MRTFB: variants seen among roughly 807,000 people sequenced by gnomAD.
MRTFB encodes the protein myocardin related transcription factor B.
Under a neutral mutation model 104.2 loss-of-function variants are expected in MRTFB, and 29 were observed. The ratio of observed to expected loss-of-function variants is 0.28; its 90% CI spans 0.21 to 0.38. The LOEUF (loss-of-function observed/expected upper bound fraction) is 0.38, where lower values mean the gene tolerates loss of function less well. Among genes scored for constraint, MRTFB ranks in the 10% least tolerant of loss-of-function variants. The pLI, the probability that MRTFB is intolerant of heterozygous loss-of-function variation, is 1.00. For missense variants in MRTFB, 1,270 were observed against 1,341.6 expected (o/e 0.95, Z 0.83); for synonymous variants, 535 against 519.5 (o/e 1.03, Z -0.41).
intron 3 of MRTFB, among the ~76,000 whole-genome samples, chr16:14,162,330 T>G (rs2039073579): frequency 6.6e-6 from 1 of 151,248 alleles, no homozygotes; most frequent in Non-Finnish European, 1.5e-5. Flanking sequence ...AGACCCTGTT[T>G]CCCCCTCTCT....
chr16:14,030,079 G>A, the MRTFB span, among the ~76,000 whole-genome samples: 1 of 152,140 alleles, frequency 6.6e-6, no homozygotes, highest in African/African-American at 2.4e-5. Context: ...GAGGGGAGCT[G>A]GGTGTTCCCA....
At position 14,200,302 on chromosome 16, in the gene MRTFB, C is replaced by G. The variant is rs1362534372; in HGVS notation, c.155-9941C>G. On this transcript the variant is annotated intron_variant, in intron 3 of 16. Coordinates refer to ENST00000571589, the MANE Select transcript of MRTFB (RefSeq NM_001308142.2). ...CTAGATTCTGAGTTCCGACCCGGAC[C>G]CGTACGCTGCTGCGCTGACGTGGCT... 3.7e-6 allele frequency: 6 copies of G among 1,602,748 alleles called. No homozygotes were observed. The East Asian group carries it at 1.3e-4, about 36-fold the overall frequency.
intron 8 of MRTFB, among the ~76,000 whole-genome samples, chr16:14,232,982 TGTAA>T (rs1296674347): frequency 6.6e-6 from 1 of 152,192 alleles, no homozygotes; most frequent in Non-Finnish European, 1.5e-5. Flanking sequence ...ATAAGGGTGG[TGTAA>T]GTAAGTCCAA....
At chr16:14,017,941 T>C in the MRTFB span, among the ~76,000 whole-genome samples, 1 of 151,214 alleles carries the variant, frequency 6.6e-6, no homozygotes, top group South Asian at 2.1e-4. Flanking sequence ...AGATTGGTCT[T>C]GAACTCAAGG....
chr16:14,028,337 TC>T, the MRTFB span, among the ~76,000 whole-genome samples: 1 of 151,994 alleles, frequency 6.6e-6, no homozygotes, highest in Non-Finnish European at 1.5e-5. Context: ...GAGTTACCCC[TC>T]CCCCAGGTCC....
At chr16:14,033,322 G>A in the MRTFB span, among the ~76,000 whole-genome samples, 1 of 151,878 alleles carries the variant, frequency 6.6e-6, no homozygotes, top group Non-Finnish European at 1.5e-5. Context: ...GAGGCAGGAG[G>A]ATCCCTAGAA....
the MRTFB span, among the ~76,000 whole-genome samples, chr16:14,065,740 A>G: frequency 2.6e-5 from 4 of 152,040 alleles, no homozygotes; most frequent in African/African-American, 9.7e-5. Context: ...GCAAGACCCC[A>G]TCCCTAAAAA....
chr16:14,235,693 G>A (rs918787204), intron 9 of MRTFB, among the ~76,000 whole-genome samples: 3 of 152,266 alleles, frequency 2.0e-5, no homozygotes, highest in South Asian at 4.1e-4. Flanking sequence ...ACTTGTGGGG[G>A]CTGATAGGTA....
intron 3 of MRTFB, chr16:14,186,725 A>G: frequency 7.0e-7 from 1 of 1,425,828 alleles, no homozygotes; most frequent in Non-Finnish European, 9.1e-7. Context: ...GTGTATTTGC[A>G]GGTCAAGCTG....
At chr16:14,120,868 A>T (rs1386105135) in intron 2 of MRTFB, among the ~76,000 whole-genome samples, 2 of 152,124 alleles carry the variant, frequency 1.3e-5, no homozygotes, top group Non-Finnish European at 2.9e-5. Flanking sequence ...TGTCTGTGGG[A>T]CCATGGGTCA....
intron 9 of MRTFB, among the ~76,000 whole-genome samples, chr16:14,234,819 C>T (rs1275910454): frequency 2.6e-5 from 4 of 152,040 alleles, no homozygotes. Context: ...AAACCAACTA[C>T]TGGGGCTACG....
chr16:14,195,436 A>G, intron 3 of MRTFB: 1 of 763,836 alleles, frequency 1.3e-6, no homozygotes, highest in Non-Finnish European at 1.6e-6. Context: ...ATATATATAC[A>G]TAGGTATATG....
At chr16:14,094,456 A>G (rs1040335366) in intron 2 of MRTFB, among the ~76,000 whole-genome samples, 1 of 152,324 alleles carries the variant, frequency 6.6e-6, no homozygotes, top group Non-Finnish European at 1.5e-5. Context: ...TTTTACATAT[A>G]TATGTAAGCA....
At chr16:14,230,703 A>T (rs2042219334) in intron 8 of MRTFB, among the ~76,000 whole-genome samples, 1 of 152,214 alleles carries the variant, frequency 6.6e-6, no homozygotes, top group Admixed American at 6.5e-5. Flanking sequence ...AACTAGTTCA[A>T]CCCTTGTGGA....
At chr16:14,017,303 C>A in the MRTFB span, among the ~76,000 whole-genome samples, 1 of 151,352 alleles carries the variant, frequency 6.6e-6, no homozygotes, top group Non-Finnish European at 1.5e-5. Flanking sequence ...TGATCCGCCC[C>A]CCTCGGCCTC....
intron 9 of MRTFB, 94 bp downstream of exon 9, chr16:14,234,377 G>A: frequency 7.1e-7 from 1 of 1,415,548 alleles, no homozygotes; most frequent in Admixed American, 2.2e-5. Context: ...TATCCAACTT[G>A]CTCAGCCTGC....
At chr16:14,097,508 C>G (rs1171845344) in intron 2 of MRTFB, among the ~76,000 whole-genome samples, 1 of 152,104 alleles carries the variant, frequency 6.6e-6, no homozygotes, top group African/African-American at 2.4e-5. Flanking sequence ...TTTCAGTATG[C>G]TAATTAAAAA....
the MRTFB span, among the ~76,000 whole-genome samples, chr16:14,007,150 C>G: frequency 6.6e-6 from 1 of 152,210 alleles, no homozygotes; most frequent in Non-Finnish European, 1.5e-5. Flanking sequence ...TCACTACAAT[C>G]AATTTCAGAA....
At chr16:14,077,896 A>G (rs552796981) in intron 1 of MRTFB, among the ~76,000 whole-genome samples, 18 of 152,352 alleles carry the variant, frequency 1.2e-4, no homozygotes, top group African/African-American at 4.1e-4. Context: ...AATCCAAGTT[A>G]AAACTAAGCT....
Sources: allele counts gnomAD v4.1 joint callset (sites outside exome capture counted in the v4.1 genomes callset), GRCh38; gene constraint gnomAD v4.1.1; transcripts MANE v1.5; gene names NCBI Gene and HGNC (gene_info 2026-07-23, HGNC 2026-07-21).